The following CA4 variants were observed in gnomAD, a reference collection of about 807,000 sequenced individuals.
CA4 encodes carbonic anhydrase 4.
CA4 carries 24 observed loss-of-function variants against 34.5 expected under a neutral mutation model. The observed-to-expected ratio is 0.70, with a 90% CI of 0.50 to 0.98. The LOEUF (loss-of-function observed/expected upper bound fraction) is 0.98, where lower values mean the gene tolerates loss of function less well. Ranked by LOEUF, CA4 falls within the 50% of genes least tolerant of loss-of-function variation. The probability of loss-of-function intolerance (pLI) is 0.00; values close to 1 mark genes in which losing one functional copy is unlikely to be tolerated. For synonymous variants in CA4, 178 were observed against 170.6 expected (o/e 1.04, Z -0.34); for missense variants, 394 against 396.7 (o/e 0.99, Z 0.06).
downstream of CA4, among the ~76,000 whole-genome samples, chr17:60,171,221 T>G (rs893106596): frequency 1.3e-5 from 2 of 152,234 alleles, no homozygotes; most frequent in Admixed American, 6.5e-5. Flanking sequence ...GTGTTTTGGA[T>G]GATTTAGCCC....
In CA4 at chr17:60,159,270, A is replaced by G. The variant is rs1429107205; in HGVS notation, c.785A>G (p.Gln262Arg). The G allele has an allele frequency of 2.5e-5, 40 of 1,609,778 alleles. No homozygotes were observed. The highest frequency in any genetic ancestry group is 3.3e-5 in the Non-Finnish European group (39 of 1,177,976). The stretch of plus-strand genomic sequence containing the variant: ...CAGAAGCTGTACTACGACAAGGAAC[A>G]GACAGTGAGCATGAAGGACAATGTC... ...FSQKLYYDKE[Q>R]TVSMKDNVRP... The change falls in exon 8 of 8, where the codon CAG becomes CGG. Residue 262 changes from glutamine (Q) to arginine (R), a missense_variant. Transcript: ENST00000300900.
chr17:60,151,298 T>C (rs1338131567), intron 1 of CA4: 1 of 152,220 alleles, frequency 6.6e-6, no homozygotes, highest in Non-Finnish European at 1.5e-5. Context: ...AGGTGTCCTC[T>C]GCACAGAGAG....
At chr17:60,173,456 A>G (rs1019806408), downstream of CA4, among the ~76,000 whole-genome samples, 1 of 152,196 alleles carries the variant, frequency 6.6e-6, no homozygotes, top group Middle Eastern at 3.2e-3. Context: ...TTTCTGACCC[A>G]GTAATCCTAA....
intron 1 of CA4, among the ~76,000 whole-genome samples, chr17:60,153,079 T>G (rs967781820): frequency 5.3e-5 from 8 of 152,196 alleles, no homozygotes; most frequent in Admixed American, 5.2e-4. Flanking sequence ...GGCTCACACC[T>G]GTAATCCCAG....
chr17:60,164,756 C>T (rs1049561499), intron 5 of CA4, among the ~76,000 whole-genome samples: 1 of 152,024 alleles, frequency 6.6e-6, no homozygotes, highest in Non-Finnish European at 1.5e-5. Flanking sequence ...GAGGAAAATC[C>T]TAGTCTGGGC....
At chr17:60,158,505 C>G in intron 7 of CA4, 59 bp downstream of exon 7, 1 of 1,556,450 alleles carries the variant, frequency 6.4e-7, no homozygotes, top group Non-Finnish European at 8.8e-7. Flanking sequence ...AGAAATTATC[C>G]CTCTGTCTGC....
At chr17:60,152,818 A>C (rs1001571094) in intron 1 of CA4, among the ~76,000 whole-genome samples, 1 of 152,186 alleles carries the variant, frequency 6.6e-6, no homozygotes, top group African/African-American at 2.4e-5. Flanking sequence ...TGGTGGCTGC[A>C]CCTGTCAGAG....
chr17:60,159,694 A>G (rs542763550), downstream of CA4: 41 of 580,244 alleles, frequency 7.1e-5, no homozygotes, highest in East Asian at 1.2e-3. Context: ...CTCCCGTTCT[A>G]TGTGAATTCC....
Position 60,156,717 on chromosome 17 carries a change from T to C in CA4, c.268+2T>C. The C allele has an allele frequency of 6.2e-7, 1 of 1,613,728 alleles. No homozygotes were observed. The highest frequency in any genetic ancestry group is 1.1e-5 in the South Asian group (1 of 91,080). On this transcript the variant is annotated splice_donor_variant, in intron 3 of 7. Coordinates refer to ENST00000300900, the MANE Select transcript of CA4 (RefSeq NM_000717.5). LOFTEE classifies it high-confidence loss of function. Reference sequence around the variant, plus strand: ...CTGTCCAAAATAACGGGCACTCAGGTGGGCTGGATGGAGGCCCCAGGCAGG... The same window carrying C: ...CTGTCCAAAATAACGGGCACTCAGGCGGGCTGGATGGAGGCCCCAGGCAGG...
rs2083720998 is a variant in CA4, at chr17:60,157,924, G to T, written c.513+136G>T. 1.9e-6 allele frequency: 3 copies of T among 1,546,458 alleles called. No individual in the cohort carries two copies. In the South Asian group the frequency reaches 3.5e-5, roughly 18 times the overall value. ...TCCGCCTCTGTTTCTGGGGTTGCAT[G>T]TCCCCGGGCCAGGTGGGGAGCCCAG... is the stretch of plus-strand genomic sequence containing the variant. On this transcript the variant is annotated intron_variant, in intron 5 of 7. Transcript: ENST00000300900.
At chr17:60,162,299 G>A (rs770903083), downstream of CA4, among the ~76,000 whole-genome samples, 9 of 152,132 alleles carry the variant, frequency 5.9e-5, no homozygotes, top group Non-Finnish European at 1.0e-4. Context: ...GTGAACATGC[G>A]TGTGTTCATG....
chr17:60,153,431 A>T (rs2083624628), intron 1 of CA4, among the ~76,000 whole-genome samples: 1 of 152,222 alleles, frequency 6.6e-6, no homozygotes, highest in Non-Finnish European at 1.5e-5. Flanking sequence ...ATGTCCCCAT[A>T]TATACAACGC....
chr17:60,166,028 G>A (rs1469980056), intron 5 of CA4, among the ~76,000 whole-genome samples: 2 of 152,158 alleles, frequency 1.3e-5, no homozygotes, highest in African/African-American at 4.8e-5. Flanking sequence ...GAAAGAGACT[G>A]ACAGCCCAGG....
downstream of CA4, among the ~76,000 whole-genome samples, chr17:60,164,331 C>T (rs545611809): frequency 6.7e-5 from 10 of 149,386 alleles, no homozygotes; most frequent in East Asian, 1.8e-3. Flanking sequence ...TTCCTTCTGT[C>T]CTTCCCTCCT....
chr17:60,159,109 G>A, intron 7 of CA4, 121 bp from the exon 8 acceptor site: 1 of 840,988 alleles, frequency 1.2e-6, no homozygotes, highest in Non-Finnish European at 2.0e-6. Context: ...AGAGCCAGGG[G>A]TTCAGAGCCC....
downstream of CA4, among the ~76,000 whole-genome samples, chr17:60,174,434 A>C (rs1254324645): frequency 6.6e-6 from 1 of 152,120 alleles, no homozygotes; most frequent in Non-Finnish European, 1.5e-5. Flanking sequence ...TTTGGTGAAC[A>C]CTGGGGCCCA....
At position 60,150,644 on chromosome 17, in the gene CA4, G is replaced by A. The variant is rs1263520248; in HGVS notation, c.58+552G>A. The stretch of plus-strand genomic sequence containing the variant: ...GATCACGCCACTGCACTCCAGCCTG[G>A]TGCTCCGTTTAAAAAAAAAAAAAAA... On this transcript the variant is annotated intron_variant, in intron 1 of 7. Coordinates refer to ENST00000300900, the MANE Select transcript of CA4 (RefSeq NM_000717.5). Among the ~76,000 whole-genome samples the A allele has an allele frequency of 3.1e-5, 4 of 128,156 alleles. No individual in the cohort carries two copies. The East Asian group carries it at 9.0e-4, about 29-fold the overall frequency. 84.1% of individuals were successfully genotyped at this position (128,156 alleles called of 152,430 possible).
intron 5 of CA4, among the ~76,000 whole-genome samples, chr17:60,169,998 A>T (rs2083898517): frequency 1.3e-5 from 2 of 152,158 alleles, no homozygotes; most frequent in Admixed American, 1.3e-4. Context: ...ATCCCAGGGG[A>T]AAAAACAATG....
At chr17:60,166,007 G>T (rs1029202448) in intron 5 of CA4, among the ~76,000 whole-genome samples, 5 of 152,094 alleles carry the variant, frequency 3.3e-5, no homozygotes, top group Non-Finnish European at 7.4e-5. Flanking sequence ...AAGAGAGAAG[G>T]GTGGGCAAGA....
Sources: allele counts gnomAD v4.1 joint callset (sites outside exome capture counted in the v4.1 genomes callset), GRCh38; gene constraint gnomAD v4.1.1; transcripts MANE v1.5; gene names NCBI Gene and HGNC (gene_info 2026-07-23, HGNC 2026-07-21).